Variants in DOCK3 observed in about 807,000 individuals in gnomAD.
DOCK3 encodes the protein dedicator of cytokinesis protein 3.
A neutral mutation model predicts 265.6 loss-of-function variants in DOCK3; 60 were observed. The ratio of observed to expected loss-of-function variants is 0.23; its 90% CI spans 0.18 to 0.28. The LOEUF is 0.28. Among genes scored for constraint, DOCK3 ranks in the 10% least tolerant of loss-of-function variants. DOCK3 has a pLI of 1.00. For missense variants in DOCK3, 1,981 were observed against 2,594.3 expected (o/e 0.76, Z 5.14); for synonymous variants, 881 against 938.0 (o/e 0.94, Z 1.11).
chr3:50,970,907 AT>A (rs1471176871), intron 5 of DOCK3, among the ~76,000 whole-genome samples: 4 of 52,650 alleles, frequency 7.6e-5, no homozygotes, highest in Admixed American at 6.6e-4. Flanking sequence ...ATATATATAT[AT>A]ATATATATAT....
Position 51,229,519 on chromosome 3 carries a change from C to T in DOCK3, c.1827C>T (p.Leu609=). ...SSTKLTQNVD[L]LALLKWKAFP... Reference sequence around the variant, plus strand: ...TTTGGGCTTGCTTTCTAGTGGACCTCCTAGCTCTGCTGAAGTGGAAAGCCT... The same window carrying T: ...TTTGGGCTTGCTTTCTAGTGGACCTTCTAGCTCTGCTGAAGTGGAAAGCCT... The change falls in exon 19 of 53, where the codon CTC becomes CTT. Residue 609 remains leucine (L), a synonymous_variant. Coordinates refer to ENST00000266037, the MANE Select transcript of DOCK3 (RefSeq NM_004947.5). 1.9e-6 allele frequency: 3 copies of T among 1,602,960 alleles called. No individual in the cohort carries two copies. The highest frequency in any genetic ancestry group is 2.6e-6 in the Non-Finnish European group (3 of 1,175,158).
chr3:50,961,464 T>C lies in DOCK3; in HGVS notation c.315+27387T>C, dbSNP rs568481309. Among the ~76,000 whole-genome samples the C allele has an allele frequency of 1.9e-4, 29 of 152,268 alleles. No homozygotes were observed. The South Asian group carries it at 5.8e-3, about 30-fold the overall frequency. On this transcript the variant is annotated intron_variant, in intron 5 of 52. Coordinates refer to ENST00000266037, the MANE Select transcript of DOCK3 (RefSeq NM_004947.5). ...GAAGTCCTTCATGATATGGTGACTT[T>C]TGAGTAGAGTCCTGAAGAAGATGAG...
intron 1 of DOCK3, among the ~76,000 whole-genome samples, chr3:50,756,640 C>G (rs191630660): frequency 1.4e-4 from 22 of 152,214 alleles, no homozygotes; most frequent in Admixed American, 1.3e-3. Context: ...AGTAACCAAG[C>G]TATTTTTCAC....
chr3:50,808,067 T>C (rs115977348), intron 2 of DOCK3, among the ~76,000 whole-genome samples: 1 of 152,326 alleles, frequency 6.6e-6, no homozygotes, highest in African/African-American at 2.4e-5. Flanking sequence ...ACACATTTTT[T>C]CTCTATGTTT....
At chr3:50,733,273 C>A (rs1481532735) in intron 1 of DOCK3, among the ~76,000 whole-genome samples, 3 of 152,080 alleles carry the variant, frequency 2.0e-5, no homozygotes, top group Non-Finnish European at 4.4e-5. Context: ...GTCCACCGTT[C>A]TCTTACTGAT....
At chr3:51,191,359 G>A (rs919119348) in intron 12 of DOCK3, among the ~76,000 whole-genome samples, 8 of 152,074 alleles carry the variant, frequency 5.3e-5, no homozygotes, top group Non-Finnish European at 8.8e-5. Context: ...GCAGACTTCC[G>A]TGAGGTCCCC....
intron 1 of DOCK3, among the ~76,000 whole-genome samples, chr3:50,724,806 G>A (rs948047204): frequency 6.6e-6 from 1 of 152,098 alleles, no homozygotes; most frequent in Non-Finnish European, 1.5e-5. Context: ...TGCACGTTGT[G>A]CACATGTACC....
intron 16 of DOCK3, 79 bp downstream of exon 16, chr3:51,227,524 G>A: frequency 1.3e-6 from 2 of 1,556,474 alleles, no homozygotes; most frequent in Non-Finnish European, 1.7e-6. Flanking sequence ...GAATTAAGTG[G>A]ATTCTTATTT....
intron 2 of DOCK3, among the ~76,000 whole-genome samples, chr3:50,814,701 T>G (rs1295915612): frequency 2.0e-5 from 3 of 152,236 alleles, no homozygotes; most frequent in African/African-American, 7.2e-5. Context: ...ATGCCTTTTC[T>G]CTTTCAGTTG....
rs904357935 is a variant in DOCK3 at position 51,128,501 on chromosome 3, A to G, written c.747-18048A>G. On this transcript the variant is annotated intron_variant, in intron 9 of 52. Coordinates refer to ENST00000266037, the MANE Select transcript of DOCK3 (RefSeq NM_004947.5). ...CCCACTGCCACACTTCTTTAGCCGT[A>G]AAAGTGAGTGAATTGGTCAGAATAC... 3.3e-5 allele frequency among the ~76,000 whole-genome samples: 5 copies of G among 152,342 alleles called. No homozygotes were observed. In the South Asian group the frequency reaches 1.0e-3, roughly 32 times the overall value.
intron 4 of DOCK3, among the ~76,000 whole-genome samples, chr3:50,911,618 G>T (rs1248313315): frequency 6.6e-6 from 1 of 151,754 alleles, no homozygotes; most frequent in Non-Finnish European, 1.5e-5. Context: ...TTTTTACTTA[G>T]GATTGCCTTA....
In DOCK3 at chr3:51,360,755, A is replaced by G. The variant is rs534984396; in HGVS notation, c.5006+123A>G. ...TTACCCATGCACACAGCAAACACTT[A>G]TGTGGCTCCTGCCATAGGACCCACA... On this transcript the variant is annotated intron_variant, in intron 47 of 52. Transcript: ENST00000266037. 2.0e-5 allele frequency: 27 copies of G among 1,349,436 alleles called. No homozygotes were observed. The Admixed American group carries it at 5.2e-4, about 26-fold the overall frequency. The allele number at this position is 1,349,436 out of a possible 1,614,324, so 83.6% of individuals were successfully genotyped here. A position where few individuals can be genotyped will look rare whatever the true frequency, so the allele number is the denominator to read the frequency against.
intron 5 of DOCK3, among the ~76,000 whole-genome samples, chr3:50,989,254 C>T (rs868050343): frequency 2.6e-5 from 4 of 152,152 alleles, no homozygotes; most frequent in Non-Finnish European, 4.4e-5. Context: ...GATGACCTTT[C>T]GGCAAAGCTA....
At chr3:50,823,254 G>T (rs1158819358) in intron 2 of DOCK3, among the ~76,000 whole-genome samples, 2 of 152,176 alleles carry the variant, frequency 1.3e-5, no homozygotes, top group Non-Finnish European at 2.9e-5. Context: ...AAGGTCAGCA[G>T]ATAAACAAGT....
At chr3:50,815,487 T>C (rs1167801145) in intron 2 of DOCK3, among the ~76,000 whole-genome samples, 4 of 152,234 alleles carry the variant, frequency 2.6e-5, no homozygotes, top group African/African-American at 9.6e-5. Flanking sequence ...AAATTGACCT[T>C]CGTCTCTTTT....
intron 5 of DOCK3, among the ~76,000 whole-genome samples, chr3:51,017,961 C>G (rs941276592): frequency 3.3e-5 from 5 of 151,652 alleles, no homozygotes; most frequent in African/African-American, 1.2e-4. Flanking sequence ...GGCACGATCT[C>G]GGCTCACTGT....
intron 12 of DOCK3, among the ~76,000 whole-genome samples, chr3:51,178,570 C>T (rs2087104019): frequency 6.6e-6 from 1 of 152,204 alleles, no homozygotes; most frequent in South Asian, 2.1e-4. Flanking sequence ...AAAGCAGAGC[C>T]AGAGCTGGGG....
chr3:51,229,341 C>T (rs1467751143), intron 18 of DOCK3, among the ~76,000 whole-genome samples, 171 bp from the exon 19 acceptor site: 1 of 152,110 alleles, frequency 6.6e-6, no homozygotes, highest in Admixed American at 6.6e-5. Context: ...ATCCCAGCTA[C>T]TCAGGAGGCT....
intron 1 of DOCK3, among the ~76,000 whole-genome samples, chr3:50,706,076 C>T (rs557406466): frequency 6.6e-6 from 1 of 152,188 alleles, no homozygotes; most frequent in African/African-American, 2.4e-5. Flanking sequence ...TCACTTCTCC[C>T]TCCTGCCACC....
Sources: allele counts gnomAD v4.1 joint callset (sites outside exome capture counted in the v4.1 genomes callset), GRCh38; gene constraint gnomAD v4.1.1; transcripts MANE v1.5; gene names NCBI Gene and HGNC (gene_info 2026-07-23, HGNC 2026-07-21).